The following AP4S1 variants were observed in gnomAD, a reference collection of about 807,000 sequenced individuals.
AP4S1 encodes adaptor related protein complex 4 subunit sigma 1.
In AP4S1, 23 loss-of-function variants were observed where a neutral mutation model predicts 19.8. The ratio of observed to expected loss-of-function variants is 1.16; its 90% CI spans 0.84 to 1.65. The LOEUF (loss-of-function observed/expected upper bound fraction) is 1.65. Among genes scored for constraint, AP4S1 ranks in the 40% most tolerant of loss-of-function variants. The probability of loss-of-function intolerance (pLI) is 0.00; values close to 1 mark genes in which losing one functional copy is unlikely to be tolerated. For synonymous variants in AP4S1, 46 were observed against 54.1 expected, an observed-to-expected ratio of 0.85 and a Z score of 0.66; for missense variants, 166 against 172.8, an observed-to-expected ratio of 0.96 and a Z score of 0.22.
Position 31,089,104 on chromosome 14 carries a change from G to T in AP4S1, c.307-3803G>T, listed in dbSNP as rs899943454. 4.0e-5 allele frequency among the ~76,000 whole-genome samples: 6 copies of T among 150,378 alleles called. No homozygotes were observed. In the South Asian group the frequency reaches 1.3e-3, roughly 32 times the overall value. On this transcript the variant is annotated intron_variant, in intron 5 of 5. Transcript: ENST00000542754. ...GAGCACAGGAGGTCGAGGCTGCAGT[G>T]AGCCAAGATTGTGCCACTGCACTCC... is the stretch of plus-strand genomic sequence containing the variant.
intron 2 of AP4S1, 66 bp from the exon 3 acceptor site, chr14:31,069,777 A>G (rs1886900124): frequency 3.4e-6 from 4 of 1,169,658 alleles, no homozygotes; most frequent in Middle Eastern, 1.9e-4. Flanking sequence ...CCTAGAACTT[A>G]CGCATGTCAT....
chr14:31,082,508 A>AC (rs1322484920), intron 5 of AP4S1, among the ~76,000 whole-genome samples: 1 of 152,224 alleles, frequency 6.6e-6, no homozygotes, highest in African/African-American at 2.4e-5. Flanking sequence ...CTGGGAGTAG[A>AC]GAACTCAATT....
intron 1 of AP4S1, chr14:31,026,308 C>T (rs1883928317): frequency 9.2e-7 from 1 of 1,085,834 alleles, no homozygotes; most frequent in African/African-American, 1.7e-5. Context: ...GGGAAGGGGT[C>T]GTTGCTGTGT....
At chr14:31,051,562 A>G (rs1885798521) in intron 1 of AP4S1, among the ~76,000 whole-genome samples, 1 of 152,244 alleles carries the variant, frequency 6.6e-6, no homozygotes, top group African/African-American at 2.4e-5. Flanking sequence ...CACTTTGCAT[A>G]GTTGTAATCC....
At chr14:31,082,781 A>G (rs1431276568) in intron 5 of AP4S1, among the ~76,000 whole-genome samples, 1 of 152,120 alleles carries the variant, frequency 6.6e-6, no homozygotes, top group East Asian at 1.9e-4. Flanking sequence ...CTGTAGTCCC[A>G]GCTACTTGGG....
In AP4S1 at chr14:31,063,025, AGTGGCTCATGCCTAT is replaced by A. The variant is rs1415580593; in HGVS notation, c.-71-3100_-71-3086del. On this transcript the variant is annotated intron_variant, in intron 1 of 5. Transcript: ENST00000542754. ...TTATAAGCAAATATTGGCTGGAGGC[AGTGGCTCATGCCTAT>A]AATCCCAGCACTTGGAAGGCTAAGG... 5.9e-5 allele frequency among the ~76,000 whole-genome samples: 9 copies of A among 151,584 alleles called. No homozygotes were observed. The East Asian group carries it at 1.8e-3, about 30-fold the overall frequency.
chr14:31,084,303 C>G (rs536067952), intron 5 of AP4S1, among the ~76,000 whole-genome samples: 1 of 152,304 alleles, frequency 6.6e-6, no homozygotes, highest in African/African-American at 2.4e-5. Context: ...AGGCTTTTCC[C>G]CCTGATTTTT....
chr14:31,042,860 T>C (rs1885184439), intron 1 of AP4S1, among the ~76,000 whole-genome samples: 1 of 152,180 alleles, frequency 6.6e-6, no homozygotes, highest in African/African-American at 2.4e-5. Context: ...TGAGACTCTT[T>C]GGTCAGTTTA....
intron 1 of AP4S1, among the ~76,000 whole-genome samples, chr14:31,034,634 T>TA (rs1566510214): frequency 3.6e-5 from 5 of 140,566 alleles, no homozygotes; most frequent in Non-Finnish European, 4.6e-5. Flanking sequence ...TTTTTTTTTT[T>TA]AGACAGAGTC....
At chr14:31,061,898 C>T (rs953308956) in intron 1 of AP4S1, among the ~76,000 whole-genome samples, 2 of 151,966 alleles carry the variant, frequency 1.3e-5, no homozygotes, top group African/African-American at 4.8e-5. Flanking sequence ...CCTCGGCCTC[C>T]CAAATTCGGT....
At chr14:31,035,862 C>G (rs1275802480) in intron 1 of AP4S1, among the ~76,000 whole-genome samples, 3 of 151,658 alleles carry the variant, frequency 2.0e-5, no homozygotes, top group Admixed American at 2.0e-4. Flanking sequence ...TCCCGAGTAG[C>G]TGGGACTACA....
At chr14:31,073,970 C>A (rs937965516) in intron 4 of AP4S1, among the ~76,000 whole-genome samples, 23 of 152,186 alleles carry the variant, frequency 1.5e-4, no homozygotes, top group South Asian at 2.1e-4. Flanking sequence ...TTCCGAAAAT[C>A]TTTTTAAAGC....
At chr14:31,025,846 ACC>A in intron 1 of AP4S1, 59 bp downstream of exon 1, 1 of 1,553,914 alleles carries the variant, frequency 6.4e-7, no homozygotes, top group South Asian at 1.2e-5. Flanking sequence ...CCCCAGCCCC[ACC>A]CCCCGGCCGG....
chr14:31,063,201 C>T (rs752987333), intron 1 of AP4S1, among the ~76,000 whole-genome samples: 1 of 152,046 alleles, frequency 6.6e-6, no homozygotes, highest in Admixed American at 6.6e-5. Context: ...GAGGCTGAGG[C>T]GGGCAGATCA....
At chr14:31,085,184 C>G (rs1427882557) in intron 5 of AP4S1, 1 of 1,152,518 alleles carries the variant, frequency 8.7e-7, no homozygotes, top group Non-Finnish European at 1.1e-6. Flanking sequence ...CCAGCCCTCA[C>G]TATCTACTGC....
Position 31,095,231 on chromosome 14 carries a change from T to A in AP4S1, c.*2196T>A, listed in dbSNP as rs1888171431. On this transcript the variant is annotated 3_prime_UTR_variant, in exon 6 of 6. Transcript: ENST00000542754. ...ACAAAACAAAAAAACTTTTATAACA[T>A]GTACCTAACAAAGATGCAGAGTTAA... The A allele has an allele frequency of 1.3e-5, 2 of 152,238 alleles. No individual in the cohort carries two copies. The highest frequency in any genetic ancestry group is 1.3e-4 in the Admixed American group (2 of 15,278). 9.4% of individuals were successfully genotyped at this position (152,238 alleles called of 1,614,324 possible).
chr14:31,052,121 ATTAG>A, intron 1 of AP4S1, among the ~76,000 whole-genome samples: 2 of 152,060 alleles, frequency 1.3e-5, no homozygotes, highest in Non-Finnish European at 2.9e-5. Context: ...AAATACAAAA[ATTAG>A]TTAGGTGTGA....
At chr14:31,053,223 G>A (rs947085956) in intron 1 of AP4S1, among the ~76,000 whole-genome samples, 43 of 152,230 alleles carry the variant, frequency 2.8e-4, no homozygotes, top group African/African-American at 9.9e-4. Context: ...TTACAGGCAT[G>A]AGCCACCGCG....
At position 31,058,439 on chromosome 14, in the gene AP4S1, T is replaced by C. The variant is rs117488955; in HGVS notation, c.-71-7687T>C. On this transcript the variant is annotated intron_variant, in intron 1 of 5. Transcript: ENST00000542754. ...GCCTTCTTTCTTCTTCCTTGATGTA[T>C]ATACACACATTCACACAAGCTTTTG... Among the ~76,000 whole-genome samples the C allele has an allele frequency of 4.1e-3, 628 of 152,284 alleles. 1 individual carries two copies. The highest frequency in any genetic ancestry group is 5.8e-3 in the Admixed American group (89 of 15,286).
Sources: allele counts gnomAD v4.1 joint callset (sites outside exome capture counted in the v4.1 genomes callset), GRCh38; gene constraint gnomAD v4.1.1; transcripts MANE v1.5; gene names NCBI Gene and HGNC (gene_info 2026-07-23, HGNC 2026-07-21).